LUZP2: variants seen among roughly 807,000 people sequenced by gnomAD.
The protein encoded by LUZP2 is leucine zipper protein 2.
A neutral mutation model predicts 51.6 loss-of-function variants in LUZP2; 52 were observed. That is an observed-to-expected ratio of 1.01 (90% CI 0.81 to 1.27). LUZP2 has a LOEUF of 1.27. Ranked by LOEUF, LUZP2 falls within the 50% of genes most tolerant of loss-of-function variation. The pLI, the probability that LUZP2 is intolerant of heterozygous loss-of-function variation, is 0.00. For missense variants in LUZP2, 436 were observed against 395.4 expected (o/e 1.10, Z -0.87); for synonymous variants, 154 against 137.3 (o/e 1.12, Z -0.85).
rs184109693 is a variant in LUZP2, at chr11:24,921,784, C to T, written c.522+7246C>T. Among the ~76,000 whole-genome samples, 228 of 152,198 alleles carry T rather than the reference C, an allele frequency of 1.5e-3. 1 individual carries two copies. Among genetic ancestry groups the T allele is most frequent in the African/African-American group, 5.3e-3 (220 of 41,536 alleles). On this transcript the variant is annotated intron_variant, in intron 7 of 11. Coordinates refer to ENST00000336930, the MANE Select transcript of LUZP2 (RefSeq NM_001009909.4). ...TTTAAATATGAGATTTGAATGTCTA[C>T]AGATTTTGGTGTCCGTGGAGTTCCT...
chr11:24,953,002 T>A (rs1361525926), intron 7 of LUZP2, among the ~76,000 whole-genome samples: 1 of 151,884 alleles, frequency 6.6e-6, no homozygotes, highest in African/African-American at 2.4e-5. Context: ...TCAGCTCCAC[T>A]TATGAATTCA....
At chr11:25,026,793 TCC>T (rs1565248171) in intron 9 of LUZP2, among the ~76,000 whole-genome samples, 10 of 151,808 alleles carry the variant, frequency 6.6e-5, no homozygotes, top group African/African-American at 2.2e-4. Flanking sequence ...CCACCCTATC[TCC>T]GAGAAAAGAA....
intron 10 of LUZP2, among the ~76,000 whole-genome samples, chr11:25,052,973 A>G (rs1306570646): frequency 6.6e-6 from 1 of 152,176 alleles, no homozygotes; most frequent in Non-Finnish European, 1.5e-5. Context: ...AATTGATAGT[A>G]ACTTTATTCC....
intron 1 of LUZP2, among the ~76,000 whole-genome samples, chr11:24,613,638 A>G (rs1854194573): frequency 6.6e-6 from 1 of 151,986 alleles, no homozygotes; most frequent in Non-Finnish European, 1.5e-5. Context: ...AGCTGAATCT[A>G]CATTTCCTTG....
At chr11:24,636,040 C>T (rs781559452) in intron 1 of LUZP2, among the ~76,000 whole-genome samples, 5 of 151,872 alleles carry the variant, frequency 3.3e-5, no homozygotes, top group African/African-American at 7.3e-5. Flanking sequence ...TATTGTCAGT[C>T]GAGAAAAAAT....
chr11:24,658,532 A>G (rs1855900074), intron 1 of LUZP2, among the ~76,000 whole-genome samples: 1 of 152,208 alleles, frequency 6.6e-6, no homozygotes, highest in Non-Finnish European at 1.5e-5. Flanking sequence ...CTTCATGTCT[A>G]AAACACCAAA....
At chr11:24,799,767 T>G (rs1849644795) in intron 5 of LUZP2, among the ~76,000 whole-genome samples, 1 of 152,138 alleles carries the variant, frequency 6.6e-6, no homozygotes, top group Admixed American at 6.6e-5. Context: ...TTGTAGATAT[T>G]AAATCAAATA....
intron 1 of LUZP2, among the ~76,000 whole-genome samples, chr11:24,627,060 A>G (rs1351562770): frequency 1.3e-5 from 2 of 152,188 alleles, no homozygotes; most frequent in East Asian, 3.8e-4. Flanking sequence ...GTTAATAAAC[A>G]CTTTTGATTG....
Position 24,640,957 on chromosome 11 carries a change from G to GTATAGATATAGATATAGATATAGA in LUZP2, c.63-88177_63-88154dup, listed in dbSNP as rs72192382. On this transcript the variant is annotated intron_variant, in intron 1 of 11. Coordinates refer to ENST00000336930, the MANE Select transcript of LUZP2 (RefSeq NM_001009909.4). ...TGTATGTATGTGTATATCTATATCT[G>GTATAGATATAGATATAGATATAGA]TATAGATATAGATATAGATATAGAT... 2.4e-4 allele frequency among the ~76,000 whole-genome samples: 35 copies of GTATAGATATAGATATAGATATAGA among 145,294 alleles called. No individual in the cohort carries two copies. In the East Asian group the frequency reaches 5.7e-3, roughly 24 times the overall value.
intron 1 of LUZP2, among the ~76,000 whole-genome samples, chr11:24,677,319 CAAT>C (rs1856591962): frequency 2.0e-5 from 3 of 152,052 alleles, no homozygotes; most frequent in Admixed American, 2.0e-4. Context: ...AATTATGAAA[CAAT>C]AATAAAGTAC....
chr11:24,830,868 C>T (rs1850681381), intron 5 of LUZP2, among the ~76,000 whole-genome samples: 1 of 151,922 alleles, frequency 6.6e-6, no homozygotes, highest in African/African-American at 2.4e-5. Context: ...ATGGTGGGCG[C>T]CTATAGTCCC....
At chr11:24,855,747 T>C (rs1428663079) in intron 5 of LUZP2, among the ~76,000 whole-genome samples, 1 of 152,152 alleles carries the variant, frequency 6.6e-6, no homozygotes. Context: ...TAAAACAGCA[T>C]GGTACTGGTG....
chr11:24,545,983 G>C (rs952851448), intron 1 of LUZP2, among the ~76,000 whole-genome samples: 1 of 151,930 alleles, frequency 6.6e-6, no homozygotes, highest in East Asian at 1.9e-4. Flanking sequence ...AGGTCTCCTT[G>C]TAGAGATTTT....
At chr11:24,785,415 A>G (rs1278399991) in intron 5 of LUZP2, among the ~76,000 whole-genome samples, 1 of 152,002 alleles carries the variant, frequency 6.6e-6, no homozygotes, top group Non-Finnish European at 1.5e-5. Flanking sequence ...GCAAGTGTCA[A>G]AATGTGAATT....
At position 24,624,079 on chromosome 11, in the gene LUZP2, G is replaced by A. The variant is rs78198084; in HGVS notation, c.63-105090G>A. Among the ~76,000 whole-genome samples, 1,338 of 152,118 alleles carry A rather than the reference G, an allele frequency of 8.8e-3. 24 individuals carry two copies. Among genetic ancestry groups the A allele is most frequent in the African/African-American group, 0.031 (1,287 of 41,494 alleles). On this transcript the variant is annotated intron_variant, in intron 1 of 11. Coordinates refer to ENST00000336930, the MANE Select transcript of LUZP2 (RefSeq NM_001009909.4). ...TTAAATATCATTAATCTTAAGAATA[G>A]CAATAGGCTGATATTATTTTTAATT... is the stretch of plus-strand genomic sequence containing the variant.
intron 1 of LUZP2, among the ~76,000 whole-genome samples, chr11:24,535,232 T>C (rs1383284715): frequency 6.6e-6 from 1 of 151,524 alleles, no homozygotes; most frequent in Admixed American, 6.6e-5. Flanking sequence ...TGATGGCTAT[T>C]GACTTATCAG....
intron 5 of LUZP2, among the ~76,000 whole-genome samples, chr11:24,768,737 C>G (rs577654620): frequency 1.5e-4 from 22 of 148,962 alleles, no homozygotes; most frequent in African/African-American, 5.2e-4. Flanking sequence ...TGGCTGGTAT[C>G]AAAAAGAGAA....
intron 1 of LUZP2, among the ~76,000 whole-genome samples, chr11:24,619,181 G>A (rs553843220): frequency 3.1e-4 from 47 of 151,952 alleles, no homozygotes; most frequent in African/African-American, 9.4e-4. Flanking sequence ...GATGTGCACC[G>A]CCATGCCTGG....
At chr11:24,852,890 G>T (rs116682744) in intron 5 of LUZP2, among the ~76,000 whole-genome samples, 2,345 of 152,068 alleles carry the variant, frequency 0.015, 40 homozygotes, top group African/African-American at 0.052. Flanking sequence ...TATTAGAATT[G>T]CAAACCCCTA....
Sources: allele counts gnomAD v4.1 joint callset (sites outside exome capture counted in the v4.1 genomes callset), GRCh38; gene constraint gnomAD v4.1.1; transcripts MANE v1.5; gene names NCBI Gene and HGNC (gene_info 2026-07-23, HGNC 2026-07-21).